The following NEGR1 variants were observed in gnomAD, a reference collection of about 807,000 sequenced individuals.
NEGR1 encodes neuronal growth regulator 1, also known as IgLON family member 4.
Under a neutral mutation model 40.9 loss-of-function variants are expected in NEGR1, and 10 were observed. The observed-to-expected ratio is 0.24, with a 90% CI of 0.15 to 0.42. The LOEUF is 0.42. Ranked by LOEUF, NEGR1 falls within the 10% of genes least tolerant of loss-of-function variation. The pLI is 1.00. For synonymous variants in NEGR1, 185 were observed against 166.8 expected (o/e 1.11, Z -0.84); for missense variants, 352 against 438.9 (o/e 0.80, Z 1.77).
At chr1:72,079,643 T>G (rs535359044) in intron 1 of NEGR1, among the ~76,000 whole-genome samples, 1 of 152,234 alleles carries the variant, frequency 6.6e-6, no homozygotes, top group African/African-American at 2.4e-5. Flanking sequence ...TTCTGAATTA[T>G]TTTTAAATGA....
At chr1:71,901,464 A>G (rs1355476668) in intron 2 of NEGR1, among the ~76,000 whole-genome samples, 1 of 152,014 alleles carries the variant, frequency 6.6e-6, no homozygotes, top group Non-Finnish European at 1.5e-5. Context: ...TTTACATTAC[A>G]TATAGTTCAA....
chr1:71,583,072 T>C (rs556659288), intron 6 of NEGR1, among the ~76,000 whole-genome samples: 53 of 151,314 alleles, frequency 3.5e-4, no homozygotes, highest in Non-Finnish European at 5.7e-4. Flanking sequence ...AGTCCTGGAG[T>C]TGAGGAGAAA....
At chr1:71,535,654 A>T (rs1426548328) in intron 6 of NEGR1, among the ~76,000 whole-genome samples, 1 of 151,710 alleles carries the variant, frequency 6.6e-6, no homozygotes, top group Non-Finnish European at 1.5e-5. Flanking sequence ...TCATGGTTGC[A>T]CACAGGGCTA....
chr1:71,495,992 C>T (rs1041679273), intron 6 of NEGR1, among the ~76,000 whole-genome samples: 2 of 152,126 alleles, frequency 1.3e-5, no homozygotes, highest in Non-Finnish European at 2.9e-5. Context: ...TCAGAGGCTT[C>T]ATACTTTGGG....
At chr1:71,927,763 C>T (rs934163843) in intron 2 of NEGR1, among the ~76,000 whole-genome samples, 11 of 134,956 alleles carry the variant, frequency 8.2e-5, no homozygotes, top group African/African-American at 3.1e-4. Flanking sequence ...GTGGGTAGAT[C>T]GCCTGAGCCC....
intron 1 of NEGR1, among the ~76,000 whole-genome samples, chr1:72,205,820 G>A (rs1434562141): frequency 6.7e-6 from 1 of 149,718 alleles, no homozygotes; most frequent in East Asian, 2.0e-4. Flanking sequence ...TGCAAGCCTG[G>A]TAGGCCTGGC....
chr1:72,216,371 T>TTATATATATATAATA (rs1244656582), intron 1 of NEGR1, among the ~76,000 whole-genome samples: 1,623 of 115,646 alleles, frequency 0.014, 30 homozygotes, highest in African/African-American at 0.062. Context: ...AACTTGGAAG[T>TTATATATATATAATA]TATATATATA....
chr1:72,048,578 A>T (rs1406398421), intron 1 of NEGR1, among the ~76,000 whole-genome samples: 1 of 151,548 alleles, frequency 6.6e-6, no homozygotes, highest in Non-Finnish European at 1.5e-5. Context: ...TGGAATAGTG[A>T]GGGTGAGGTG....
At chr1:72,162,975 A>C (rs2100378984) in intron 1 of NEGR1, among the ~76,000 whole-genome samples, 1 of 152,238 alleles carries the variant, frequency 6.6e-6, no homozygotes, top group African/African-American at 2.4e-5. Flanking sequence ...TGTTCTAGAC[A>C]ATTTTCTAGG....
chr1:71,521,782 C>T (rs905963251), intron 6 of NEGR1, among the ~76,000 whole-genome samples: 5 of 151,880 alleles, frequency 3.3e-5, no homozygotes, highest in Non-Finnish European at 5.9e-5. Context: ...GAAGATACTA[C>T]AAAATTCAAA....
intron 2 of NEGR1, among the ~76,000 whole-genome samples, chr1:71,814,841 A>T (rs1570384707): frequency 2.0e-5 from 3 of 151,336 alleles, no homozygotes; most frequent in South Asian, 2.1e-4. Flanking sequence ...TATTTTATTA[A>T]TTTTTTCAAA....
chr1:72,193,093 C>T (rs1652877034), intron 1 of NEGR1, among the ~76,000 whole-genome samples: 1 of 151,588 alleles, frequency 6.6e-6, no homozygotes, highest in African/African-American at 2.4e-5. Flanking sequence ...TTTTCTGCTC[C>T]TTGGATAAAA....
intron 1 of NEGR1, among the ~76,000 whole-genome samples, chr1:71,979,839 A>G (rs1646339130): frequency 1.3e-5 from 2 of 152,132 alleles, no homozygotes. Flanking sequence ...TGAAAAAAAG[A>G]CAAATGGTTA....
chr1:72,227,454 G>C (rs1654227616), intron 1 of NEGR1, among the ~76,000 whole-genome samples: 1 of 151,952 alleles, frequency 6.6e-6, no homozygotes, highest in Non-Finnish European at 1.5e-5. Flanking sequence ...AGAAGCAGGG[G>C]GAACCATTTT....
intron 1 of NEGR1, among the ~76,000 whole-genome samples, chr1:72,001,956 TTATA>T (rs1168087999): frequency 6.6e-6 from 1 of 152,078 alleles, no homozygotes; most frequent in Non-Finnish European, 1.5e-5. Flanking sequence ...TGAAAACTCA[TTATA>T]AAGTTTTCTC....
intron 4 of NEGR1, among the ~76,000 whole-genome samples, chr1:71,625,150 T>C (rs1159014342): frequency 1.3e-5 from 2 of 152,072 alleles, no homozygotes; most frequent in East Asian, 1.9e-4. Context: ...TGTAGTATTA[T>C]CATTTGAATG....
chr1:72,272,489 C>G (rs188104248), intron 1 of NEGR1, among the ~76,000 whole-genome samples: 11 of 151,800 alleles, frequency 7.2e-5, no homozygotes, highest in Non-Finnish European at 1.5e-4. Context: ...TTATTAGATA[C>G]CCTTATATAA....
intron 1 of NEGR1, among the ~76,000 whole-genome samples, chr1:71,954,115 T>C (rs975826001): frequency 6.6e-6 from 1 of 151,912 alleles, no homozygotes; most frequent in African/African-American, 2.4e-5. Context: ...TAGACAGGAA[T>C]CATTTAGCGT....
At chr1:72,074,337 A>G (rs1223275990) in intron 1 of NEGR1, among the ~76,000 whole-genome samples, 2 of 152,096 alleles carry the variant, frequency 1.3e-5, no homozygotes, top group African/African-American at 4.8e-5. Flanking sequence ...AATAATTGTT[A>G]CAATTCCACG....
Sources: allele counts gnomAD v4.1 joint callset (sites outside exome capture counted in the v4.1 genomes callset), GRCh38; gene constraint gnomAD v4.1.1; transcripts MANE v1.5; gene names NCBI Gene and HGNC (gene_info 2026-07-23, HGNC 2026-07-21).